The following MEIKIN variants were observed in gnomAD, a reference collection of about 807,000 sequenced individuals.
The protein encoded by MEIKIN is meiosis-specific kinetochore protein.
At chr5:131,914,030 G>T (rs536970641) in intron 7 of MEIKIN, among the ~76,000 whole-genome samples, 1 of 152,226 alleles carries the variant, frequency 6.6e-6, no homozygotes, top group East Asian at 1.9e-4. Flanking sequence ...TGGAGTAATG[G>T]ATTAATATGT....
At chr5:131,936,276 C>T (rs1751775541) in intron 4 of MEIKIN, among the ~76,000 whole-genome samples, 1 of 152,236 alleles carries the variant, frequency 6.6e-6, no homozygotes, top group East Asian at 1.9e-4. Flanking sequence ...AATAGTTCTA[C>T]AAGGCTTATA....
intron 8 of MEIKIN, among the ~76,000 whole-genome samples, chr5:131,905,068 G>A (rs1453820813): frequency 2.0e-5 from 3 of 151,996 alleles, no homozygotes; most frequent in Non-Finnish European, 4.4e-5. Context: ...AAACCACCAC[G>A]TGTATACCTA....
intron 9 of MEIKIN, among the ~76,000 whole-genome samples, chr5:131,871,028 G>A (rs553096146): frequency 1.1e-4 from 16 of 152,328 alleles, no homozygotes; most frequent in African/African-American, 3.8e-4. Flanking sequence ...GAGGAGCCAA[G>A]ATGGCCGAAT....
At position 131,933,499 on chromosome 5, in the gene MEIKIN, A is replaced by G. The variant is rs1040315860; in HGVS notation, c.478+14T>C. On this transcript the variant is annotated intron_variant, in intron 5 of 12. Transcript: ENST00000442687. ...CTATAGTAGAGCAATTTAAGGTTGG[A>G]ATTACTTTCTCACCTAAATAATCTG... 35 of 398,298 alleles carry G rather than the reference A, an allele frequency of 8.8e-5. No homozygotes were observed. Among genetic ancestry groups the G allele is most frequent in the Non-Finnish European group, 8.9e-5 (20 of 225,696 alleles). 24.7% of individuals were successfully genotyped at this position (398,298 alleles called of 1,614,324 possible). A position where few individuals can be genotyped will look rare whatever the true frequency, so the allele number is the denominator to read the frequency against.
chr5:131,837,749 G>A (rs1237907263), intron 11 of MEIKIN, among the ~76,000 whole-genome samples: 1 of 152,098 alleles, frequency 6.6e-6, no homozygotes, highest in Non-Finnish European at 1.5e-5. Context: ...AGCTTAAGGA[G>A]CTTTTGGGCC....
chr5:131,939,685 A>G (rs1580917122), intron 4 of MEIKIN, among the ~76,000 whole-genome samples: 2 of 152,212 alleles, frequency 1.3e-5, no homozygotes, highest in African/African-American at 4.8e-5. Context: ...CTCAAAACTT[A>G]GCCCATCACA....
intron 12 of MEIKIN, among the ~76,000 whole-genome samples, chr5:131,811,018 A>T (rs1324108691): frequency 1.3e-5 from 2 of 152,210 alleles, no homozygotes; most frequent in Non-Finnish European, 2.9e-5. Flanking sequence ...TATTTTTACT[A>T]AAGGAAAGAG....
intron 11 of MEIKIN, among the ~76,000 whole-genome samples, chr5:131,845,571 A>C (rs1009974163): frequency 6.7e-6 from 1 of 149,714 alleles, no homozygotes; most frequent in East Asian, 1.9e-4. Context: ...ATGTATAAAC[A>C]AAATTAAAAT....
chr5:131,844,158 G>A (rs1749969312), intron 11 of MEIKIN, among the ~76,000 whole-genome samples: 1 of 151,968 alleles, frequency 6.6e-6, no homozygotes, highest in African/African-American at 2.4e-5. Context: ...AACAGCAAGG[G>A]GGAAACTGCC....
At chr5:131,907,285 A>G (rs1751257138) in intron 8 of MEIKIN, among the ~76,000 whole-genome samples, 1 of 152,078 alleles carries the variant, frequency 6.6e-6, no homozygotes, top group African/African-American at 2.4e-5. Context: ...AAGAACTAAA[A>G]AAGAGCAAAC....
At chr5:131,894,133 C>T (rs910379031) in intron 8 of MEIKIN, among the ~76,000 whole-genome samples, 3 of 152,146 alleles carry the variant, frequency 2.0e-5, no homozygotes, top group African/African-American at 7.2e-5. Context: ...CCAGTTTTCC[C>T]AGCACCATTT....
chr5:131,818,042 C>T (rs1554102542), intron 12 of MEIKIN, among the ~76,000 whole-genome samples: 1 of 152,136 alleles, frequency 6.6e-6, no homozygotes, highest in Non-Finnish European at 1.5e-5. Flanking sequence ...AGATTGAATT[C>T]CTCTCTACCA....
intron 5 of MEIKIN, among the ~76,000 whole-genome samples, chr5:131,923,357 A>G (rs1399066222): frequency 6.6e-6 from 1 of 152,140 alleles, no homozygotes; most frequent in African/African-American, 2.4e-5. Context: ...CATAATTTAT[A>G]GCTCGAAAAA....
intron 11 of MEIKIN, among the ~76,000 whole-genome samples, chr5:131,824,080 G>C (rs1749567004): frequency 6.6e-6 from 1 of 152,184 alleles, no homozygotes; most frequent in Non-Finnish European, 1.5e-5. Context: ...GCACCCCTGT[G>C]ACCACCACCA....
chr5:131,811,496 AG>A (rs1157350963), intron 12 of MEIKIN, among the ~76,000 whole-genome samples: 22 of 151,880 alleles, frequency 1.4e-4, no homozygotes, highest in Non-Finnish European at 2.9e-4. Flanking sequence ...TAGTAGAGAC[AG>A]GGTTTCGCCA....
intron 11 of MEIKIN, among the ~76,000 whole-genome samples, chr5:131,834,821 A>G (rs1003120787): frequency 3.3e-5 from 5 of 152,144 alleles, no homozygotes; most frequent in Non-Finnish European, 5.9e-5. Context: ...GAATATATAC[A>G]CAAAGTTGAA....
chr5:131,897,299 T>C (rs760787977), intron 8 of MEIKIN, among the ~76,000 whole-genome samples: 19 of 152,250 alleles, frequency 1.2e-4, no homozygotes, highest in Non-Finnish European at 1.9e-4. Flanking sequence ...AACCTTTCTC[T>C]CTGGCTGCCC....
intron 9 of MEIKIN, among the ~76,000 whole-genome samples, chr5:131,873,216 G>A (rs541742180): frequency 1.4e-4 from 21 of 152,252 alleles, no homozygotes; most frequent in Admixed American, 4.6e-4. Flanking sequence ...ATTGGATAAC[G>A]AGTCAAGACC....
intron 9 of MEIKIN, among the ~76,000 whole-genome samples, chr5:131,860,621 T>C (rs1358811932): frequency 6.6e-6 from 1 of 151,402 alleles, no homozygotes; most frequent in Non-Finnish European, 1.5e-5. Context: ...ATTTTTTTTT[T>C]TATTTTTAGT....
Sources: allele counts gnomAD v4.1 joint callset (sites outside exome capture counted in the v4.1 genomes callset), GRCh38; gene constraint gnomAD v4.1.1; transcripts MANE v1.5; gene names NCBI Gene and HGNC (gene_info 2026-07-23, HGNC 2026-07-21).